Variants in HECW2 observed in about 807,000 individuals in gnomAD.
HECW2 encodes E3 ubiquitin-protein ligase HECW2.
A neutral mutation model predicts 175.2 loss-of-function variants in HECW2; 61 were observed. The ratio of observed to expected loss-of-function variants is 0.35; its 90% CI spans 0.28 to 0.43. The LOEUF is 0.43. Ranked by LOEUF, HECW2 falls within the 20% of genes least tolerant of loss-of-function variation. HECW2 has a pLI of 1.00. For synonymous variants in HECW2, 671 were observed against 731.0 expected, an observed-to-expected ratio of 0.92 and a Z score of 1.32; for missense variants, 1,524 against 2,000.5, an observed-to-expected ratio of 0.76 and a Z score of 4.54.
intron 1 of HECW2, among the ~76,000 whole-genome samples, chr2:196,463,439 A>G (rs982913911): frequency 1.3e-5 from 2 of 151,996 alleles, no homozygotes; most frequent in African/African-American, 4.8e-5. Context: ...GAAAAAGGAA[A>G]AAGAAAAAGA....
At chr2:196,266,012 A>G (rs1021128556) in intron 17 of HECW2, among the ~76,000 whole-genome samples, 11 of 152,086 alleles carry the variant, frequency 7.2e-5, no homozygotes, top group African/African-American at 2.7e-4. Context: ...CCCAATGACC[A>G]TTACTATGTG....
intron 1 of HECW2, among the ~76,000 whole-genome samples, chr2:196,485,985 C>T (rs1037859288): frequency 4.6e-5 from 7 of 152,158 alleles, no homozygotes; most frequent in African/African-American, 1.7e-4. Context: ...TTGCATCATA[C>T]ATACCACACT....
At chr2:196,365,549 T>C (rs1271909572) in intron 2 of HECW2, among the ~76,000 whole-genome samples, 1 of 152,182 alleles carries the variant, frequency 6.6e-6, no homozygotes, top group Non-Finnish European at 1.5e-5. Flanking sequence ...CCGTTGTCAC[T>C]CTGTTTTCAG....
chr2:196,373,472 T>C (rs1486323086), intron 2 of HECW2, among the ~76,000 whole-genome samples: 3 of 152,162 alleles, frequency 2.0e-5, no homozygotes, highest in Non-Finnish European at 2.9e-5. Flanking sequence ...AAAATGTCCT[T>C]CCTGGAACAA....
At chr2:196,504,568 A>C (rs1295269220) in intron 1 of HECW2, among the ~76,000 whole-genome samples, 1 of 152,158 alleles carries the variant, frequency 6.6e-6, no homozygotes, top group Non-Finnish European at 1.5e-5. Flanking sequence ...ATTTAAGGAA[A>C]TGCTAACAGG....
chr2:196,297,347 TGAGTG>T (rs1463719258), intron 13 of HECW2, among the ~76,000 whole-genome samples: 1 of 152,236 alleles, frequency 6.6e-6, no homozygotes, highest in Admixed American at 6.5e-5. Context: ...CTGAATTTCT[TGAGTG>T]GAGTTTTGTT....
intron 1 of HECW2, among the ~76,000 whole-genome samples, chr2:196,507,842 G>C (rs1687820535): frequency 6.6e-6 from 1 of 152,212 alleles, no homozygotes; most frequent in South Asian, 2.1e-4. Flanking sequence ...CAGCAGTAAG[G>C]AAAGTTCAGG....
intron 1 of HECW2, among the ~76,000 whole-genome samples, chr2:196,582,069 AAAT>A (rs572551572): frequency 3.3e-5 from 5 of 150,246 alleles, no homozygotes; most frequent in Non-Finnish European, 3.0e-5. Context: ...CCATCTCGAA[AAAT>A]AATAATAATA....
At chr2:196,428,810 C>T (rs968887132) in intron 2 of HECW2, among the ~76,000 whole-genome samples, 15 of 152,168 alleles carry the variant, frequency 9.9e-5, no homozygotes, top group African/African-American at 3.6e-4. Flanking sequence ...GCAGTTGTTA[C>T]CCTTTTCCCT....
chr2:196,500,384 C>G (rs773032953), intron 1 of HECW2, among the ~76,000 whole-genome samples: 5 of 152,086 alleles, frequency 3.3e-5, no homozygotes, highest in African/African-American at 4.8e-5. Context: ...TACATGCATA[C>G]ATACATACAT....
chr2:196,460,307 G>A, intron 1 of HECW2, among the ~76,000 whole-genome samples: 1 of 151,986 alleles, frequency 6.6e-6, no homozygotes, highest in Non-Finnish European at 1.5e-5. Flanking sequence ...CAGAAGAGAG[G>A]CATTTTTATT....
At chr2:196,291,477 T>C (rs1440798678) in intron 14 of HECW2, 1 of 152,252 alleles carries the variant, frequency 6.6e-6, no homozygotes, top group African/African-American at 2.4e-5. Flanking sequence ...TTGGCTTACC[T>C]GTTTTGCTTA....
intron 11 of HECW2, 127 bp from the exon 12 acceptor site, chr2:196,307,360 C>T: frequency 1.8e-6 from 1 of 541,828 alleles, no homozygotes; most frequent in African/African-American, 1.9e-5. Flanking sequence ...ACCCCCATTC[C>T]CTGGACTTCT....
chr2:196,523,422 C>A (rs1024912693), intron 1 of HECW2, among the ~76,000 whole-genome samples: 1 of 151,990 alleles, frequency 6.6e-6, no homozygotes, highest in African/African-American at 2.4e-5. Context: ...CGTCTGCAAA[C>A]AGGGATAATT....
chr2:196,338,440 G>T (rs925128187), intron 3 of HECW2, among the ~76,000 whole-genome samples: 2 of 152,030 alleles, frequency 1.3e-5, no homozygotes, highest in African/African-American at 4.8e-5. Context: ...ATACTCTTTC[G>T]TATATTACCT....
chr2:196,341,680 T>G (rs1364172245), intron 3 of HECW2, among the ~76,000 whole-genome samples: 1 of 152,220 alleles, frequency 6.6e-6, no homozygotes, highest in Non-Finnish European at 1.5e-5. Context: ...CTGCTTTTTG[T>G]GAGCATTTTC....
At chr2:196,424,703 A>AAGGAAGCTGCAGAAGAAAAGC (rs1265955628) in intron 2 of HECW2, among the ~76,000 whole-genome samples, 2 of 152,156 alleles carry the variant, frequency 1.3e-5, no homozygotes. Flanking sequence ...TGAGAGAGGT[A>AAGGAAGCTGCAGAAGAAAAGC]AGGAAGCTGC....
chr2:196,393,001 C>A (rs1694558682), intron 2 of HECW2, among the ~76,000 whole-genome samples: 1 of 152,180 alleles, frequency 6.6e-6, no homozygotes, highest in African/African-American at 2.4e-5. Flanking sequence ...AATAATACCA[C>A]ACATCTACAA....
At chr2:196,248,597 G>A (rs6758179) in intron 19 of HECW2, among the ~76,000 whole-genome samples, 3 of 144,036 alleles carry the variant, frequency 2.1e-5, no homozygotes, top group African/African-American at 5.2e-5. Context: ...GAGACAGACA[G>A]ACACACACAC....
Sources: allele counts gnomAD v4.1 joint callset (sites outside exome capture counted in the v4.1 genomes callset), GRCh38; gene constraint gnomAD v4.1.1; transcripts MANE v1.5; gene names NCBI Gene and HGNC (gene_info 2026-07-23, HGNC 2026-07-21).